CCDC93: variants seen among roughly 807,000 people sequenced by gnomAD.
CCDC93 encodes coiled-coil domain-containing protein 93.
Under a neutral mutation model 108.2 loss-of-function variants are expected in CCDC93, and 61 were observed. The observed-to-expected ratio is 0.56, with a 90% CI of 0.46 to 0.70. CCDC93 has a LOEUF of 0.70. Among genes scored for constraint, CCDC93 ranks in the 30% least tolerant of loss-of-function variants. The probability of loss-of-function intolerance (pLI) is 0.00; values close to 1 mark genes in which losing one functional copy is unlikely to be tolerated. For synonymous variants in CCDC93, 276 were observed against 260.4 expected, an observed-to-expected ratio of 1.06 and a Z score of -0.58; for missense variants, 685 against 764.2, an observed-to-expected ratio of 0.90 and a Z score of 1.22.
Position 118,000,939 on chromosome 2 carries a change from A to G in CCDC93, c.252-7T>C, listed in dbSNP as rs768732923. 2 of 1,574,118 alleles carry G rather than the reference A, an allele frequency of 1.3e-6. No homozygotes were observed. The highest frequency in any genetic ancestry group is 4.5e-5 in the East Asian group (2 of 44,688). The stretch of plus-strand genomic sequence containing the variant: ...AATTTTTTCTGACAGAGCTCTGTTC[A>G]GAAAAAGTAACAAGCAAAGAGTGAG... On this transcript the variant is annotated splice_region_variant and splice_polypyrimidine_tract_variant and intron_variant, in intron 3 of 23. Coordinates refer to ENST00000376300, the MANE Select transcript of CCDC93 (RefSeq NM_019044.5).
chr2:117,930,172 G>C (rs933686171), intron 23 of CCDC93, among the ~76,000 whole-genome samples: 1 of 152,122 alleles, frequency 6.6e-6, no homozygotes, highest in Non-Finnish European at 1.5e-5. Flanking sequence ...CTTAAATTAA[G>C]AACAAAATTA....
At chr2:118,007,258 C>T (rs1450367759) in intron 2 of CCDC93, among the ~76,000 whole-genome samples, 1 of 152,276 alleles carries the variant, frequency 6.6e-6, no homozygotes, top group Admixed American at 6.5e-5. Context: ...TTTTTCTTAT[C>T]TACCTGAGAA....
intron 7 of CCDC93, among the ~76,000 whole-genome samples, chr2:117,983,630 T>TTATATA (rs66879401): frequency 1.5e-4 from 15 of 98,602 alleles, no homozygotes; most frequent in African/African-American, 4.8e-4. Flanking sequence ...CTGCTCAAAA[T>TTATATA]TATATATATA....
intron 7 of CCDC93, among the ~76,000 whole-genome samples, chr2:117,979,223 C>G (rs143672698): frequency 2.0e-5 from 3 of 152,138 alleles, no homozygotes; most frequent in Non-Finnish European, 4.4e-5. Flanking sequence ...CTTATAAAGC[C>G]TCTCTTCCAT....
chr2:117,995,599 A>C, intron 5 of CCDC93, 97 bp from the exon 6 acceptor site: 6 of 940,208 alleles, frequency 6.4e-6, no homozygotes, highest in Non-Finnish European at 1.0e-5. Flanking sequence ...TTCTCATCTC[A>C]TCACTACTTT....
In CCDC93 at chr2:117,949,391, T is replaced by C. The variant is rs1376314496; in HGVS notation, c.1073A>G (p.Lys358Arg). 3.1e-6 allele frequency: 5 copies of C among 1,611,726 alleles called. No individual in the cohort carries two copies. The Admixed American group carries it at 5.0e-5, about 16-fold the overall frequency. ...NEAKKTLTELKTYSEKLDKEQ... is the reference protein window; with the variant it reads ...NEAKKTLTELRTYSEKLDKEQ... Reference sequence around the variant, plus strand: ...TTTGTCCAGTTTCTCACTGTAAGTCTTCAGCTGCAAGAGAGAATGAAGACA... The same window carrying C: ...TTTGTCCAGTTTCTCACTGTAAGTCCTCAGCTGCAAGAGAGAATGAAGACA... The change falls in exon 14 of 24, where the codon AAG (lysine) becomes AGG (arginine). Residue 358 changes from lysine to arginine, a missense_variant. Transcript: ENST00000376300.
chr2:117,992,538 C>T (rs954755056), intron 6 of CCDC93, among the ~76,000 whole-genome samples: 1 of 152,122 alleles, frequency 6.6e-6, no homozygotes, highest in African/African-American at 2.4e-5. Context: ...ACCACCAGGC[C>T]GGACACGTTT....
chr2:117,924,183 C>A (rs1392460791), intron 23 of CCDC93, among the ~76,000 whole-genome samples: 2 of 152,122 alleles, frequency 1.3e-5, no homozygotes, highest in Non-Finnish European at 2.9e-5. Flanking sequence ...TGGGGAAAAA[C>A]CAGAGCAGAA....
chr2:117,924,119 C>G (rs1292405334), intron 23 of CCDC93, among the ~76,000 whole-genome samples: 2 of 152,146 alleles, frequency 1.3e-5, no homozygotes, highest in Admixed American at 6.5e-5. Context: ...CACACCAAAA[C>G]CCCATCTGTA....
chr2:117,996,433 A>C, intron 4 of CCDC93, 71 bp from the exon 5 acceptor site: 2 of 995,800 alleles, frequency 2.0e-6, no homozygotes, highest in Non-Finnish European at 3.2e-6. Context: ...CAGTTCAGAC[A>C]TGGCCCAACT....
chr2:117,994,901 A>G (rs924823199), intron 6 of CCDC93, among the ~76,000 whole-genome samples: 2 of 152,184 alleles, frequency 1.3e-5, no homozygotes, highest in African/African-American at 4.8e-5. Flanking sequence ...ACAGCTAACA[A>G]GGTTCCACAG....
At chr2:117,927,757 T>A (rs1250646368) in intron 23 of CCDC93, among the ~76,000 whole-genome samples, 6 of 152,160 alleles carry the variant, frequency 3.9e-5, no homozygotes, top group Admixed American at 1.3e-4. Context: ...TGGAAAAAAC[T>A]ACTTTAAAGT....
chr2:118,008,801 C>T (rs115571865), intron 1 of CCDC93, 143 bp from the exon 2 acceptor site: 27 of 613,314 alleles, frequency 4.4e-5, no homozygotes, highest in African/African-American at 4.1e-4. Context: ...GAAAATTCAG[C>T]AAGTGTCACA....
rs1015267991 is a variant in CCDC93, at chr2:117,945,109, A to G, written c.1350+420T>C. ...AGCAGAGCTGGCTCACAAAGCCAAA[A>G]AGAGTTACTATGTGCACCTTTATAG... On this transcript the variant is annotated intron_variant, in intron 17 of 23. Transcript: ENST00000376300. Among the ~76,000 whole-genome samples, 5 of 152,196 alleles carry G rather than the reference A, an allele frequency of 3.3e-5. No individual in the cohort carries two copies. In the South Asian group the frequency reaches 8.3e-4, roughly 25 times the overall value.
chr2:117,969,297 C>T (rs1679686703), intron 11 of CCDC93, among the ~76,000 whole-genome samples: 1 of 152,138 alleles, frequency 6.6e-6, no homozygotes, highest in Non-Finnish European at 1.5e-5. Flanking sequence ...AAACTGGTGA[C>T]CTCAGTGAGC....
intron 11 of CCDC93, among the ~76,000 whole-genome samples, chr2:117,963,907 C>T (rs746429840): frequency 9.9e-5 from 15 of 152,184 alleles, no homozygotes; most frequent in Non-Finnish European, 2.1e-4. Context: ...CAAATTGATA[C>T]GGACTCTGAA....
At chr2:117,981,210 C>G (rs1289280643) in intron 7 of CCDC93, among the ~76,000 whole-genome samples, 3 of 152,200 alleles carry the variant, frequency 2.0e-5, no homozygotes, top group Non-Finnish European at 4.4e-5. Flanking sequence ...TGTACAGCTT[C>G]ATTCACTTCA....
At position 117,920,081 on chromosome 2, in the gene CCDC93, T is replaced by A. The variant is rs1677808812; in HGVS notation, c.*262A>T. 8.6e-6 allele frequency: 3 copies of A among 347,368 alleles called. No homozygotes were observed. The South Asian group carries it at 2.8e-4, about 32-fold the overall frequency. 21.5% of individuals were successfully genotyped at this position (347,368 alleles called of 1,614,324 possible). A position where few individuals can be genotyped will look rare whatever the true frequency, so the allele number is the denominator to read the frequency against. On this transcript the variant is annotated 3_prime_UTR_variant, in exon 24 of 24. Coordinates refer to ENST00000376300, the MANE Select transcript of CCDC93 (RefSeq NM_019044.5). Reference sequence around the variant, plus strand: ...CGCAATGTTACTGGAGACATAAAAGTTGAATCAACAGAGAACAAGTACTCC... The same window carrying A: ...CGCAATGTTACTGGAGACATAAAAGATGAATCAACAGAGAACAAGTACTCC...
At position 117,949,312 on chromosome 2, in the gene CCDC93, A is replaced by G; in HGVS notation, c.1142+10T>C. 1.9e-6 allele frequency: 3 copies of G among 1,600,408 alleles called. No individual in the cohort carries two copies. The highest frequency in any genetic ancestry group is 2.6e-6 in the Non-Finnish European group (3 of 1,168,414). Reference sequence around the variant, plus strand: ...CAAAGCAAAAATAAGCACATGCTGAAACCTCTTACCTTGGATCAGCTTTGG... The same window carrying G: ...CAAAGCAAAAATAAGCACATGCTGAGACCTCTTACCTTGGATCAGCTTTGG... On this transcript the variant is annotated intron_variant, in intron 14 of 23. Transcript: ENST00000376300.
Sources: gnomAD v4.1 joint callset for allele counts (sites outside exome capture counted in the v4.1 genomes callset) on GRCh38, gnomAD v4.1.1 for gene constraint, MANE v1.5 for transcripts, NCBI Gene and HGNC (gene_info 2026-07-23, HGNC 2026-07-21) for gene names.